EXOSC7: variants seen among roughly 807,000 people sequenced by gnomAD.
The protein encoded by EXOSC7 is exosome complex component RRP42.
EXOSC7 carries 25 observed loss-of-function variants against 34.3 expected under a neutral mutation model. The observed-to-expected ratio is 0.73, with a 90% confidence interval of 0.53 to 1.02. The LOEUF is 1.02. Among genes scored for constraint, EXOSC7 ranks in the 50% least tolerant of loss-of-function variants. The pLI, the probability that EXOSC7 is intolerant of heterozygous loss-of-function variation, is 0.00. For missense variants in EXOSC7, 370 were observed against 368.5 expected (o/e 1.00, Z -0.03); for synonymous variants, 130 against 143.0 (o/e 0.91, Z 0.65).
chr3:44,991,362 A>G (rs557792471), intron 3 of EXOSC7, among the ~76,000 whole-genome samples: 12 of 152,092 alleles, frequency 7.9e-5, no homozygotes, highest in African/African-American at 2.9e-4. Flanking sequence ...CAAGCCCCCA[A>G]CTTATCTTTT....
chr3:44,997,890 C>A (rs947694057), intron 4 of EXOSC7, among the ~76,000 whole-genome samples: 2 of 152,198 alleles, frequency 1.3e-5, no homozygotes, highest in African/African-American at 4.8e-5. Flanking sequence ...TGCCTCCTCC[C>A]ACACAGAGTC....
chr3:44,978,426 GTATT>G (rs1471826763), intron 1 of EXOSC7, among the ~76,000 whole-genome samples: 1 of 152,186 alleles, frequency 6.6e-6, no homozygotes, highest in Non-Finnish European at 1.5e-5. Flanking sequence ...TCAGGACTCA[GTATT>G]CATTCATTCA....
downstream of EXOSC7, among the ~76,000 whole-genome samples, chr3:45,011,983 A>G (rs1362840651): frequency 6.6e-6 from 1 of 152,092 alleles, no homozygotes; most frequent in African/African-American, 2.4e-5. Flanking sequence ...GTTTCCTAAG[A>G]TTTTGTTTTG....
intron 4 of EXOSC7, among the ~76,000 whole-genome samples, chr3:44,997,904 T>C (rs1706766710): frequency 6.6e-6 from 1 of 152,196 alleles, no homozygotes; most frequent in Non-Finnish European, 1.5e-5. Context: ...CAGAGTCTAC[T>C]CCCCTGGGAG....
rs767953493 is a variant in EXOSC7, at chr3:44,997,189, C to T, written c.357C>T (p.Val119=). ...LYRIFNNKSS[V]DLKTLCISPR... ...GGATATTTAACAATAAAAGCAGTGT[C>T]GACTTAAAGACCCTCTGCATTAGTC... Residue 119 remains valine (V), a synonymous_variant, in exon 4 of 8, where the codon GTC becomes GTT. Coordinates refer to ENST00000265564, the MANE Select transcript of EXOSC7 (RefSeq NM_015004.4). 73 of 1,613,832 alleles carry T rather than the reference C, an allele frequency of 4.5e-5. No individual in the cohort carries two copies. Among genetic ancestry groups the T allele is most frequent in the Middle Eastern group, 3.3e-4 (2 of 6,084 alleles).
Position 45,001,585 on chromosome 3 carries a change from A to G in EXOSC7, c.468A>G (p.Val156=), listed in dbSNP as rs374179764. ...TGTTTGATGCCATTTCCATTGCTGT[A>G]AAGGCTGCTCTCTTCAATACAAGGT... The part of the protein sequence containing the change: ...GNLFDAISIA[V]KAALFNTRIP... Residue 156 remains valine (V), a synonymous_variant, in exon 5 of 8, where the codon GTA becomes GTG. Coordinates refer to ENST00000265564, the MANE Select transcript of EXOSC7 (RefSeq NM_015004.4). 2 of 1,613,264 alleles carry G rather than the reference A, an allele frequency of 1.2e-6. No individual in the cohort carries two copies. The highest frequency in any genetic ancestry group is 1.3e-5 in the African/African-American group (1 of 74,872).
At chr3:45,008,292 G>T (rs867277579) in intron 7 of EXOSC7, among the ~76,000 whole-genome samples, 5 of 152,198 alleles carry the variant, frequency 3.3e-5, no homozygotes, top group Non-Finnish European at 7.3e-5. Context: ...GAGTTAGCAG[G>T]ATCTGATTAT....
chr3:44,997,534 A>C (rs1706755045), intron 4 of EXOSC7, among the ~76,000 whole-genome samples: 1 of 152,236 alleles, frequency 6.6e-6, no homozygotes. Flanking sequence ...GTAAAACAAG[A>C]GATGGTCTCT....
At chr3:45,009,965 C>T (rs1707159964) in intron 7 of EXOSC7, among the ~76,000 whole-genome samples, 1 of 152,106 alleles carries the variant, frequency 6.6e-6, no homozygotes, top group Non-Finnish European at 1.5e-5. Flanking sequence ...GGATCTCATC[C>T]CATGTTACAG....
intron 6 of EXOSC7, among the ~76,000 whole-genome samples, chr3:45,006,795 A>ATGGGGG: frequency 2.4e-5 from 3 of 124,694 alleles, no homozygotes; most frequent in East Asian, 2.9e-4. Flanking sequence ...CTCTGCTGCA[A>ATGGGGG]CCCCCCCACC....
intron 1 of EXOSC7, 72 bp from the exon 2 acceptor site, chr3:44,989,068 A>C (rs997413647): frequency 1.0e-6 from 1 of 1,003,314 alleles, no homozygotes; most frequent in Non-Finnish European, 1.6e-6. Context: ...CTCTAGGGGG[A>C]AAATGGGTGA....
intron 3 of EXOSC7, among the ~76,000 whole-genome samples, chr3:44,995,592 C>T (rs1189918729): frequency 6.6e-6 from 1 of 152,176 alleles, no homozygotes; most frequent in Non-Finnish European, 1.5e-5. Flanking sequence ...AAAGTAAAAA[C>T]CTGGTCCCTG....
Position 45,005,276 on chromosome 3 carries a change from T to C in EXOSC7, c.492-15T>C. On this transcript the variant is annotated splice_polypyrimidine_tract_variant and intron_variant, in intron 5 of 7. Coordinates refer to ENST00000265564, the MANE Select transcript of EXOSC7 (RefSeq NM_015004.4). ...CTCCTCCAAGTGGGAATTTTACTAG[T>C]GCTTCTGCTTCCAGGATACCAAGGG... 1 of 1,613,798 alleles carries C rather than the reference T, an allele frequency of 6.2e-7. No homozygotes were observed. The highest frequency in any genetic ancestry group is 2.2e-5 in the East Asian group (1 of 44,884).
At chr3:44,995,018 CT>C (rs1435193686) in intron 3 of EXOSC7, among the ~76,000 whole-genome samples, 1 of 152,066 alleles carries the variant, frequency 6.6e-6, no homozygotes, top group Non-Finnish European at 1.5e-5. Flanking sequence ...GAGTTTCACT[CT>C]TGTTGACCAG....
intron 4 of EXOSC7, among the ~76,000 whole-genome samples, chr3:45,001,227 C>G (rs538455095): frequency 6.6e-6 from 1 of 151,944 alleles, no homozygotes; most frequent in Non-Finnish European, 1.5e-5. Flanking sequence ...CTGAGGTAGG[C>G]GGATCACTTT....
At chr3:44,998,040 T>G (rs1393071361) in intron 4 of EXOSC7, among the ~76,000 whole-genome samples, 4 of 141,942 alleles carry the variant, frequency 2.8e-5, no homozygotes, top group African/African-American at 7.7e-5. Context: ...TGTTTTTTTG[T>G]TTTTTTTTTT....
Position 45,005,275 on chromosome 3 carries a change from G to T in EXOSC7, c.492-16G>T. 1 of 1,613,754 alleles carries T rather than the reference G, an allele frequency of 6.2e-7. No individual in the cohort carries two copies. Among genetic ancestry groups the T allele is most frequent in the Non-Finnish European group, 8.5e-7 (1 of 1,179,806 alleles). ...CCTCCTCCAAGTGGGAATTTTACTA[G>T]TGCTTCTGCTTCCAGGATACCAAGG... On this transcript the variant is annotated splice_polypyrimidine_tract_variant and intron_variant, in intron 5 of 7. Coordinates refer to ENST00000265564, the MANE Select transcript of EXOSC7 (RefSeq NM_015004.4).
intron 3 of EXOSC7, 112 bp downstream of exon 3, chr3:44,989,756 C>T: frequency 1.3e-6 from 1 of 796,542 alleles, no homozygotes; most frequent in Admixed American, 2.4e-5. Context: ...ATCATTCAGC[C>T]ATCCAGCAGG....
At chr3:45,002,785 T>C (rs1293145699) in intron 5 of EXOSC7, among the ~76,000 whole-genome samples, 1 of 152,216 alleles carries the variant, frequency 6.6e-6, no homozygotes, top group African/African-American at 2.4e-5. Flanking sequence ...ATGAAAGCTG[T>C]AGAGTCCCCC....
Sources: gnomAD v4.1 joint callset for allele counts (sites outside exome capture counted in the v4.1 genomes callset) on GRCh38, gnomAD v4.1.1 for gene constraint, MANE v1.5 for transcripts, NCBI Gene and HGNC (gene_info 2026-07-23, HGNC 2026-07-21) for gene names.